The following KIF6 variants were observed in gnomAD, a reference collection of about 807,000 sequenced individuals.
KIF6 encodes kinesin family member 6, also known as kinesin-like protein KIF6.
A neutral mutation model predicts 112.7 loss-of-function variants in KIF6; 106 were observed. The observed-to-expected ratio is 0.94, with a 90% CI of 0.80 to 1.11. KIF6 has a LOEUF of 1.11. KIF6 is among the 50% of genes least tolerant of loss of function. KIF6 has a pLI of 0.00. For synonymous variants in KIF6, 339 were observed against 339.9 expected, an observed-to-expected ratio of 1.00 and a Z score of 0.03; for missense variants, 929 against 964.0, an observed-to-expected ratio of 0.96 and a Z score of 0.48.
At chr6:39,345,492 G>C (rs1763628040) in intron 21 of KIF6, among the ~76,000 whole-genome samples, 1 of 152,184 alleles carries the variant, frequency 6.6e-6, no homozygotes, top group Non-Finnish European at 1.5e-5. Context: ...ACAGGGCCCT[G>C]GTGACTGTGG....
chr6:39,409,413 A>G (rs1281897379), intron 15 of KIF6, among the ~76,000 whole-genome samples: 1 of 152,180 alleles, frequency 6.6e-6, no homozygotes, highest in African/African-American at 2.4e-5. Flanking sequence ...GAGATGCCTC[A>G]TCAGTGACAT....
chr6:39,610,664 T>C (rs1254928350), intron 6 of KIF6, among the ~76,000 whole-genome samples: 4 of 152,228 alleles, frequency 2.6e-5, no homozygotes, highest in Non-Finnish European at 5.9e-5. Context: ...TATATTTTTA[T>C]GTATTTGCTT....
chr6:39,445,031 G>A (rs1030082552), intron 13 of KIF6, among the ~76,000 whole-genome samples: 1 of 152,192 alleles, frequency 6.6e-6, no homozygotes, highest in Non-Finnish European at 1.5e-5. Flanking sequence ...AGATCTGGCT[G>A]GCTTGTAGTG....
intron 6 of KIF6, among the ~76,000 whole-genome samples, chr6:39,610,465 G>C (rs527709428): frequency 1.3e-5 from 2 of 152,296 alleles, no homozygotes; most frequent in Admixed American, 1.3e-4. Flanking sequence ...GGCAACTTCT[G>C]GATTCCTCTG....
chr6:39,625,750 C>G (rs1014664333), intron 5 of KIF6, among the ~76,000 whole-genome samples: 4 of 152,052 alleles, frequency 2.6e-5, no homozygotes, highest in Non-Finnish European at 5.9e-5. Context: ...TTCTTAAACA[C>G]AAAATGTGTA....
chr6:39,514,329 G>T (rs1776945285), intron 13 of KIF6, among the ~76,000 whole-genome samples: 1 of 152,050 alleles, frequency 6.6e-6, no homozygotes, highest in African/African-American at 2.4e-5. Flanking sequence ...AAATTAAATG[G>T]CTCAAATAAA....
chr6:39,464,340 T>C (rs1581914922), intron 13 of KIF6, among the ~76,000 whole-genome samples: 1 of 152,314 alleles, frequency 6.6e-6, no homozygotes, highest in East Asian at 1.9e-4. Context: ...CTGCTAAGTA[T>C]CTGGAGGATG....
chr6:39,503,756 C>A (rs537904347), intron 13 of KIF6, among the ~76,000 whole-genome samples: 1 of 151,540 alleles, frequency 6.6e-6, no homozygotes, highest in South Asian at 2.1e-4. Flanking sequence ...AATACATACA[C>A]CCTCTTAAGA....
intron 3 of KIF6, among the ~76,000 whole-genome samples, chr6:39,671,528 C>A (rs1259861569): frequency 2.0e-5 from 3 of 152,168 alleles, no homozygotes; most frequent in Non-Finnish European, 4.4e-5. Context: ...GCCCTATGTT[C>A]CTGATGGCCA....
At chr6:39,698,761 G>GT (rs1490230035) in intron 3 of KIF6, among the ~76,000 whole-genome samples, 5 of 152,118 alleles carry the variant, frequency 3.3e-5, no homozygotes, top group Non-Finnish European at 7.4e-5. Context: ...TTATAACAAA[G>GT]TTTTTAGCAC....
chr6:39,435,466 G>A (rs1771455709), intron 13 of KIF6, among the ~76,000 whole-genome samples: 1 of 152,072 alleles, frequency 6.6e-6, no homozygotes, highest in Non-Finnish European at 1.5e-5. Flanking sequence ...TAGGATTTTA[G>A]TGCACTCCTC....
At chr6:39,407,545 C>T (rs1284273580) in intron 15 of KIF6, among the ~76,000 whole-genome samples, 1 of 152,212 alleles carries the variant, frequency 6.6e-6, no homozygotes, top group Non-Finnish European at 1.5e-5. Flanking sequence ...ACTTCAGCAT[C>T]ATCTCAACAT....
chr6:39,420,964 G>T (rs1057297950), intron 14 of KIF6, among the ~76,000 whole-genome samples: 2 of 152,152 alleles, frequency 1.3e-5, no homozygotes, highest in African/African-American at 2.4e-5. Context: ...CCAACTTTGC[G>T]CTAGAGAAGC....
intron 13 of KIF6, among the ~76,000 whole-genome samples, chr6:39,505,894 C>T (rs903887779): frequency 6.6e-6 from 1 of 152,202 alleles, no homozygotes; most frequent in Non-Finnish European, 1.5e-5. Context: ...AATGCTTTTA[C>T]ACGGTTGGTG....
chr6:39,676,861 G>C (rs1391347366), intron 3 of KIF6, among the ~76,000 whole-genome samples: 1 of 152,012 alleles, frequency 6.6e-6, no homozygotes, highest in East Asian at 1.9e-4. Flanking sequence ...AGAAAAAAAG[G>C]TTAAATTGAA....
chr6:39,520,602 A>C (rs772954673), intron 13 of KIF6, among the ~76,000 whole-genome samples: 1 of 152,246 alleles, frequency 6.6e-6, no homozygotes, highest in Non-Finnish European at 1.5e-5. Flanking sequence ...TCAGAAAGTG[A>C]GGAACCAAAT....
intron 12 of KIF6, among the ~76,000 whole-genome samples, chr6:39,543,123 C>T (rs1267590623): frequency 2.6e-5 from 4 of 152,176 alleles, no homozygotes; most frequent in Non-Finnish European, 4.4e-5. Flanking sequence ...TGTCATATCT[C>T]ATTTCATCCC....
At chr6:39,398,617 G>T (rs1229644275) in intron 15 of KIF6, among the ~76,000 whole-genome samples, 1 of 151,948 alleles carries the variant, frequency 6.6e-6, no homozygotes, top group Non-Finnish European at 1.5e-5. Flanking sequence ...TTTGGGGGAA[G>T]CTCTAAAAAT....
chr6:39,412,697 C>T (rs936166932), intron 15 of KIF6, among the ~76,000 whole-genome samples: 3 of 152,232 alleles, frequency 2.0e-5, no homozygotes, highest in African/African-American at 7.2e-5. Context: ...ATTTTCTCCT[C>T]GTATGTTAAA....
Sources: gnomAD v4.1 joint callset for allele counts (sites outside exome capture counted in the v4.1 genomes callset) on GRCh38, gnomAD v4.1.1 for gene constraint, MANE v1.5 for transcripts, NCBI Gene and HGNC (gene_info 2026-07-23, HGNC 2026-07-21) for gene names.